KCMF1: variants seen among roughly 807,000 people sequenced by gnomAD.
The protein encoded by KCMF1 is E3 ubiquitin-protein ligase KCMF1.
KCMF1 carries 3 observed loss-of-function variants against 41.1 expected under a neutral mutation model. That is an observed-to-expected ratio of 0.07 (90% confidence interval 0.03 to 0.19). The LOEUF (loss-of-function observed/expected upper bound fraction) is 0.19. KCMF1 is among the 10% of genes least tolerant of loss of function. The pLI is 1.00. For missense variants in KCMF1, 286 were observed against 488.9 expected (o/e 0.58, Z 3.91); for synonymous variants, 142 against 164.5 (o/e 0.86, Z 1.04).
chr2:85,046,969 T>G (rs1675682505), intron 5 of KCMF1, among the ~76,000 whole-genome samples: 2 of 152,162 alleles, frequency 1.3e-5, no homozygotes, highest in African/African-American at 2.4e-5. Context: ...AATCTCATGT[T>G]CCTAATTTAT....
chr2:84,996,430 ATTT>A (rs869089697), intron 1 of KCMF1, among the ~76,000 whole-genome samples: 2 of 124,038 alleles, frequency 1.6e-5, no homozygotes, highest in African/African-American at 3.3e-5. Flanking sequence ...ATAACCTAAG[ATTT>A]TTTTTTTTTT....
rs539919643 is a variant in KCMF1, at chr2:85,016,890, A to G, written c.17-10999A>G. Among the ~76,000 whole-genome samples the G allele has an allele frequency of 5.3e-5, 8 of 151,990 alleles. No individual in the cohort carries two copies. In the East Asian group the frequency reaches 5.8e-4, roughly 11 times the overall value. On this transcript the variant is annotated intron_variant, in intron 1 of 6. Transcript: ENST00000409785. ...TCTTTAGTAGAGACGAGGTTTCACA[A>G]TGTTGGCCAGGCTGGTCTCGAACCC...
chr2:85,000,883 A>G (rs1284069587), intron 1 of KCMF1, among the ~76,000 whole-genome samples: 2 of 150,966 alleles, frequency 1.3e-5, no homozygotes, highest in African/African-American at 4.9e-5. Flanking sequence ...GGCTCAAGCA[A>G]TCCTCCCACC....
chr2:85,057,641 A>G lies in KCMF1; in HGVS notation c.*4232A>G, dbSNP rs1443107515. On this transcript the variant is annotated 3_prime_UTR_variant, in exon 7 of 7. Transcript: ENST00000409785. ...TTATCGGCTTCAACTGTGCTTACAC[A>G]ACGTTTGTTTCTAATTCGTACTCTT... The G allele has an allele frequency of 6.6e-6, 1 of 152,230 alleles. No individual in the cohort carries two copies. The highest frequency in any genetic ancestry group is 1.5e-5 in the Non-Finnish European group (1 of 68,050). 9.4% of individuals were successfully genotyped at this position (152,230 alleles called of 1,614,324 possible).
intron 1 of KCMF1, among the ~76,000 whole-genome samples, chr2:85,004,230 G>A (rs1201915893): frequency 2.0e-5 from 3 of 152,172 alleles, no homozygotes; most frequent in African/African-American, 7.2e-5. Context: ...AAAACTTTGG[G>A]GCGGGGCGTG....
intron 1 of KCMF1, among the ~76,000 whole-genome samples, chr2:85,022,973 C>T (rs910299361): frequency 5.3e-5 from 8 of 150,506 alleles, no homozygotes; most frequent in Admixed American, 1.3e-4. Flanking sequence ...CTGCAAGCTC[C>T]GCCTCCTGGG....
At chr2:85,025,602 C>T (rs1218652599) in intron 1 of KCMF1, among the ~76,000 whole-genome samples, 2 of 152,072 alleles carry the variant, frequency 1.3e-5, no homozygotes, top group African/African-American at 2.4e-5. Context: ...GATGGAATCA[C>T]AAATGACATT....
intron 1 of KCMF1, among the ~76,000 whole-genome samples, chr2:85,026,103 G>C (rs1028017979): frequency 1.3e-5 from 2 of 151,810 alleles, no homozygotes; most frequent in African/African-American, 4.8e-5. Context: ...CCATTCTTCT[G>C]CTTCAGCCTC....
chr2:85,017,888 T>G (rs1368832867), intron 1 of KCMF1, among the ~76,000 whole-genome samples: 2 of 152,176 alleles, frequency 1.3e-5, no homozygotes, highest in Non-Finnish European at 2.9e-5. Flanking sequence ...ACGTATTATT[T>G]CAGTGGCTTT....
Position 85,054,626 on chromosome 2 carries a change from G to A in KCMF1, c.*1217G>A, listed in dbSNP as rs1274603622. 1 of 152,046 alleles carries A rather than the reference G, an allele frequency of 6.6e-6. No homozygotes were observed. The highest frequency in any genetic ancestry group is 1.5e-5 in the Non-Finnish European group (1 of 68,014). 9.4% of individuals were successfully genotyped at this position (152,046 alleles called of 1,614,324 possible). Reference sequence around the variant, plus strand: ...GGGTTATTTTTTATTTCCTGTTTCAGTTTTTGTGCATAGACTTTCACAATA... The same window carrying A: ...GGGTTATTTTTTATTTCCTGTTTCAATTTTTGTGCATAGACTTTCACAATA... On this transcript the variant is annotated 3_prime_UTR_variant, in exon 7 of 7. Transcript: ENST00000409785.
intron 2 of KCMF1, among the ~76,000 whole-genome samples, chr2:85,034,371 C>G (rs1419067490): frequency 6.6e-6 from 1 of 152,032 alleles, no homozygotes; most frequent in Non-Finnish European, 1.5e-5. Context: ...CATGGTAGAC[C>G]CTGCTGATTT....
chr2:85,037,517 C>T (rs182133883), intron 3 of KCMF1, among the ~76,000 whole-genome samples: 14 of 152,280 alleles, frequency 9.2e-5, no homozygotes, highest in Admixed American at 2.0e-4. Context: ...ATACTATCAG[C>T]TCCAGTGTGC....
intron 1 of KCMF1, chr2:84,972,048 GC>G: frequency 6.6e-6 from 1 of 152,134 alleles, no homozygotes; most frequent in Non-Finnish European, 1.5e-5. Context: ...CCTGGAGCCC[GC>G]CCCGGCCTCG....
At chr2:85,017,722 C>G (rs896457195) in intron 1 of KCMF1, among the ~76,000 whole-genome samples, 4 of 151,994 alleles carry the variant, frequency 2.6e-5, no homozygotes, top group African/African-American at 9.7e-5. Context: ...CCTTTGTTGA[C>G]CTTTTCTTTC....
intron 1 of KCMF1, among the ~76,000 whole-genome samples, chr2:84,974,580 C>G (rs1242464337): frequency 2.2e-5 from 3 of 138,690 alleles, no homozygotes; most frequent in Non-Finnish European, 4.5e-5. Flanking sequence ...ACGAAAGCAG[C>G]TATAGACAAC....
At position 85,046,099 on chromosome 2, in the gene KCMF1, G is replaced by A. The variant is rs760396970; in HGVS notation, c.427-5G>A. The A allele has an allele frequency of 1.2e-6, 2 of 1,603,338 alleles. No individual in the cohort carries two copies. The highest frequency in any genetic ancestry group is 1.7e-6 in the Non-Finnish European group (2 of 1,174,870). ...CTTTCGTTTTTTTCTTAACTTTTGG[G>A]TTATGATGAATCGAGTGGTGTTCGA... is the stretch of plus-strand genomic sequence containing the variant. On this transcript the variant is annotated splice_region_variant and splice_polypyrimidine_tract_variant and intron_variant, in intron 4 of 6. Coordinates refer to ENST00000409785, the MANE Select transcript of KCMF1 (RefSeq NM_020122.5).
chr2:84,996,430 A>ATTTTTTTTTTTTTTT (rs869089697), intron 1 of KCMF1, among the ~76,000 whole-genome samples: 7 of 124,056 alleles, frequency 5.6e-5, no homozygotes, highest in African/African-American at 2.3e-4. Context: ...ATAACCTAAG[A>ATTTTTTTTTTTTTTT]TTTTTTTTTT....
At chr2:85,011,016 A>G (rs1674638422) in intron 1 of KCMF1, among the ~76,000 whole-genome samples, 1 of 151,716 alleles carries the variant, frequency 6.6e-6, no homozygotes, top group Non-Finnish European at 1.5e-5. Flanking sequence ...GCCAATTTTT[A>G]TATTTTTAGT....
intron 2 of KCMF1, among the ~76,000 whole-genome samples, chr2:85,029,598 CAA>C (rs776521159): frequency 1.6e-4 from 16 of 99,404 alleles, no homozygotes; most frequent in Admixed American, 2.1e-4. Context: ...GACGCTATCT[CAA>C]AAAAAAAAAA....
Sources: allele counts gnomAD v4.1 joint callset (sites outside exome capture counted in the v4.1 genomes callset), GRCh38; gene constraint gnomAD v4.1.1; transcripts MANE v1.5; gene names NCBI Gene and HGNC (gene_info 2026-07-23, HGNC 2026-07-21).